Variants in CAND2 observed in about 807,000 individuals in gnomAD.
CAND2 encodes cullin-associated NEDD8-dissociated protein 2.
CAND2 carries 62 observed loss-of-function variants against 98.9 expected under a neutral mutation model. The observed-to-expected ratio is 0.63, with a 90% CI of 0.51 to 0.77. The LOEUF (loss-of-function observed/expected upper bound fraction) is 0.77. Among genes scored for constraint, CAND2 ranks in the 30% least tolerant of loss-of-function variants. The probability of loss-of-function intolerance (pLI) is 0.00; values close to 1 mark genes in which losing one functional copy is unlikely to be tolerated. For missense variants in CAND2, 1,501 were observed against 1,655.2 expected, an observed-to-expected ratio of 0.91 and a Z score of 1.62; for synonymous variants, 770 against 731.9, an observed-to-expected ratio of 1.05 and a Z score of -0.84.
intron 11 of CAND2, among the ~76,000 whole-genome samples, chr3:12,820,930 C>T (rs1559556309): frequency 6.6e-6 from 1 of 152,142 alleles, no homozygotes; most frequent in African/African-American, 2.4e-5. Context: ...TTCTCATCCT[C>T]AGCTATAAAA....
In CAND2 at chr3:12,809,713, CGAG is replaced by C. The variant is rs1291067528; in HGVS notation, c.492-340_492-338del. 3.9e-5 allele frequency among the ~76,000 whole-genome samples: 6 copies of C among 151,984 alleles called. No homozygotes were observed. In the South Asian group the frequency reaches 1.2e-3, roughly 32 times the overall value. ...AGACTTTATACTGCTCTGGTCTCAG[CGAG>C]GAGGATGGACAGAAGGGGATGGTAT... On this transcript the variant is annotated intron_variant, in intron 4 of 14. Transcript: ENST00000456430.
intron 10 of CAND2, among the ~76,000 whole-genome samples, chr3:12,819,371 G>T (rs2061936012): frequency 6.6e-6 from 1 of 152,332 alleles, no homozygotes; most frequent in Admixed American, 6.5e-5. Flanking sequence ...GCTGGGGTTG[G>T]GCAGGGAGCA....
chr3:12,817,323 C>T lies in CAND2; in HGVS notation c.2391C>T (p.His797=), dbSNP rs3732677. ...EQAVDGGPGL[H]KQVFHSLARC... is the part of the protein sequence containing the mutation. ...CTGTGGATGGTGGGCCTGGCCTGCA[C>T]AAGCAGGTGTTCCACTCATTGGCCC... Residue 797 remains histidine, a synonymous_variant, in exon 10 of 15, where the codon CAC becomes CAT. Transcript: ENST00000456430. The T allele has an allele frequency of 0.054, 87,382 of 1,613,878 alleles. 3,110 individuals carry two copies. The highest frequency in any genetic ancestry group is 0.16 in the African/African-American group (11,932 of 75,038).
At chr3:12,831,317 C>A in intron 13 of CAND2, 148 bp from the exon 14 acceptor site, 1 of 678,256 alleles carries the variant, frequency 1.5e-6, no homozygotes. Flanking sequence ...GAAACAGACC[C>A]AGAGAGGGAG....
intron 11 of CAND2, among the ~76,000 whole-genome samples, chr3:12,820,483 C>T (rs1048048798): frequency 1.3e-5 from 2 of 152,234 alleles, no homozygotes; most frequent in Non-Finnish European, 2.9e-5. Context: ...GTCCTGGAAG[C>T]CCATGGGCAA....
chr3:12,810,713 T>G (rs935094032), intron 5 of CAND2, among the ~76,000 whole-genome samples: 1 of 152,254 alleles, frequency 6.6e-6, no homozygotes, highest in Non-Finnish European at 1.5e-5. Context: ...TTAGACTATG[T>G]TCTCTTCTCC....
chr3:12,815,396 C>T lies in CAND2; in HGVS notation c.1262C>T (p.Thr421Ile). 6.2e-7 allele frequency: 1 copy of T among 1,613,528 alleles called. No individual in the cohort carries two copies. The highest frequency in any genetic ancestry group is 8.5e-7 in the Non-Finnish European group (1 of 1,179,886). Reference sequence around the variant, plus strand: ...TGGCTGGAGGCCATGGAGGAACCCACCCAGACCGGCAGCAACCTCCATATG... The same window carrying T: ...TGGCTGGAGGCCATGGAGGAACCCATCCAGACCGGCAGCAACCTCCATATG... The part of the protein sequence containing the change: ...KGWLEAMEEP[T>I]QTGSNLHMLR... Residue 421 changes from threonine (T) to isoleucine (I), a missense_variant, in exon 8 of 15, where the codon ACC (threonine) becomes ATC (isoleucine). Physicochemically the swap from Thr to Ile is moderately conservative, Grantham distance 89. Around this residue, in one of 3 missense-constraint regions of CAND2, gnomAD observed 1,427 missense variants for 1,545.3 expected, o/e 0.92. Coordinates refer to ENST00000456430, the MANE Select transcript of CAND2 (RefSeq NM_001162499.2). This position sits in a 1 kb window ranked among gnomAD's most constrained non-coding sequence, Gnocchi z 5.7.
At chr3:12,821,361 T>C (rs115439755) in intron 11 of CAND2, among the ~76,000 whole-genome samples, 6,553 of 152,076 alleles carry the variant, frequency 0.043, 448 homozygotes, top group African/African-American at 0.15. Context: ...GATCGTACCA[T>C]TGCACTCTAA....
In CAND2 at chr3:12,817,018, C is replaced by G. The variant is rs779092166; in HGVS notation, c.2086C>G (p.Leu696Val). 5 of 1,612,918 alleles carry G rather than the reference C, an allele frequency of 3.1e-6. No homozygotes were observed. The African/African-American group carries it at 6.7e-5, about 22-fold the overall frequency. Residue 696 changes from leucine to valine, a missense_variant, in exon 10 of 15, where the codon CTG becomes GTG. Physicochemically the swap from Leu to Val is conservative, Grantham distance 32 (BLOSUM62 1). This residue lies in a region of CAND2 where 1,427 missense variants were observed against 1,545.3 expected (regional missense o/e 0.92). Coordinates refer to ENST00000456430, the MANE Select transcript of CAND2 (RefSeq NM_001162499.2). Reference protein sequence around the residue: ...SLPPSAVQAVLAELPALVNES... With the variant: ...SLPPSAVQAVVAELPALVNES... ...CCCACCGTCTGCCGTGCAGGCCGTG[C>G]TGGCTGAGCTGCCTGCCCTGGTCAA... is the stretch of plus-strand genomic sequence containing the variant.
Position 12,834,056 on chromosome 3 carries a change from C to T in CAND2, c.*74C>T, listed in dbSNP as rs2062078149. 4.1e-6 allele frequency: 5 copies of T among 1,216,152 alleles called. No homozygotes were observed. Among genetic ancestry groups the T allele is most frequent in the Middle Eastern group, 1.9e-4 (1 of 5,170 alleles). The allele number at this position is 1,216,152 out of a possible 1,614,324, so 75.3% of individuals were successfully genotyped here. A position where few individuals can be genotyped will look rare whatever the true frequency, so the allele number is the denominator to read the frequency against. On this transcript the variant is annotated 3_prime_UTR_variant, in exon 15 of 15. Coordinates refer to ENST00000456430, the MANE Select transcript of CAND2 (RefSeq NM_001162499.2). The stretch of plus-strand genomic sequence containing the variant: ...CAAGTCCGAGGCCTCCCCATCCCAC[C>T]ATCGCAGGTCTCTACTTTTGCCCTT...
intron 3 of CAND2, 23 bp from the exon 4 acceptor site, chr3:12,808,187 T>G (rs757945075): frequency 6.5e-7 from 1 of 1,550,110 alleles, no homozygotes; most frequent in East Asian, 2.4e-5. Flanking sequence ...GGCCTCACTG[T>G]GCCCACCTTG....
rs141573209 is a variant in CAND2, at chr3:12,811,113, A to C, written c.757+789A>C. 7.5e-5 allele frequency among the ~76,000 whole-genome samples: 11 copies of C among 147,472 alleles called. No individual in the cohort carries two copies. In the East Asian group the frequency reaches 2.2e-3, roughly 30 times the overall value. On this transcript the variant is annotated intron_variant, in intron 5 of 14. Transcript: ENST00000456430. ...TCACTGCAAGGGGCCTTGCAGGCACACGGCGGGGGGTGGGGGGGGGAACCC... is the reference window on the plus strand; with the variant it reads ...TCACTGCAAGGGGCCTTGCAGGCACCCGGCGGGGGGTGGGGGGGGGAACCC...
At position 12,815,323 on chromosome 3, in the gene CAND2, T is replaced by G. The variant is rs756537260; in HGVS notation, c.1189T>G (p.Phe397Val). 1 of 1,613,984 alleles carries G rather than the reference T, an allele frequency of 6.2e-7. No homozygotes were observed. Among genetic ancestry groups the G allele is most frequent in the South Asian group, 1.1e-5 (1 of 91,090 alleles). Residue 397 changes from phenylalanine to valine, a missense_variant, in exon 8 of 15, where the codon TTC (phenylalanine) becomes GTC (valine). This residue lies in a region of CAND2 where 1,427 missense variants were observed against 1,545.3 expected (regional missense o/e 0.92). Transcript: ENST00000456430. This position sits in a 1 kb window ranked among gnomAD's most constrained non-coding sequence, Gnocchi z 5.7. ...CGAGGAGAACGTCAAGGCTGACGTC[T>G]TCACTGCTTACATCGTGCTGCTGCG... ...EREENVKADV[F>V]TAYIVLLRQT... is the part of the protein sequence containing the mutation.
chr3:12,798,335 C>CT (rs1242765337), intron 1 of CAND2, among the ~76,000 whole-genome samples: 1 of 152,108 alleles, frequency 6.6e-6, no homozygotes, highest in Non-Finnish European at 1.5e-5. Flanking sequence ...TAGGTACCTC[C>CT]TTTCAGCTCC....
intron 1 of CAND2, among the ~76,000 whole-genome samples, chr3:12,799,096 A>T (rs755127938): frequency 6.6e-6 from 1 of 152,200 alleles, no homozygotes; most frequent in Non-Finnish European, 1.5e-5. Flanking sequence ...TTGAAAACAC[A>T]GTAGTATTAT....
Position 12,817,734 on chromosome 3 carries a change from C to G in CAND2, c.2802C>G (p.Ala934=). ...AGCCTGACAGCCTGAAGCCCTACGCCGAGGACATCTGGGCCTTGCTGTTCC... is the reference window on the plus strand; with the variant it reads ...AGCCTGACAGCCTGAAGCCCTACGCGGAGGACATCTGGGCCTTGCTGTTCC... The part of the protein sequence containing the change: ...AAQPDSLKPY[A]EDIWALLFQR... Residue 934 remains alanine, a synonymous_variant, in exon 10 of 15, where the codon GCC becomes GCG. Coordinates refer to ENST00000456430, the MANE Select transcript of CAND2 (RefSeq NM_001162499.2). 6.3e-7 allele frequency: 1 copy of G among 1,586,140 alleles called. No homozygotes were observed. The highest frequency in any genetic ancestry group is 8.6e-7 in the Non-Finnish European group (1 of 1,166,232).
Position 12,815,243 on chromosome 3 carries a change from T to C in CAND2, c.1109T>C (p.Leu370Pro). 6.2e-7 allele frequency: 1 copy of C among 1,613,878 alleles called. No homozygotes were observed. The highest frequency in any genetic ancestry group is 8.5e-7 in the Non-Finnish European group (1 of 1,180,040). The change falls in exon 8 of 15, where the codon CTG becomes CCG. Residue 370 changes from leucine (L) to proline (P), a missense_variant. By Grantham distance (98) the Leu-to-Pro change is moderately conservative. Around this residue, in one of 3 missense-constraint regions of CAND2, gnomAD observed 1,427 missense variants for 1,545.3 expected, o/e 0.92. Coordinates refer to ENST00000456430, the MANE Select transcript of CAND2 (RefSeq NM_001162499.2). The surrounding 1 kb of genome is among the most constrained non-coding windows in gnomAD (Gnocchi z 5.7). ...AALISSRPDLLPDFHCTLAPV... is the reference protein window; with the variant it reads ...AALISSRPDLPPDFHCTLAPV... The stretch of plus-strand genomic sequence containing the variant: ...TTGATCAGCTCGCGGCCTGACCTGC[T>C]GCCCGATTTCCACTGCACCCTGGCA...
rs751195821 is a variant in CAND2 at position 12,815,532 on chromosome 3, A to G, written c.1299+99A>G. 71 of 1,150,576 alleles carry G rather than the reference A, an allele frequency of 6.2e-5. No homozygotes were observed. The highest frequency in any genetic ancestry group is 8.4e-5 in the Non-Finnish European group (70 of 836,604). The allele number at this position is 1,150,576 out of a possible 1,614,324, so 71.3% of individuals were successfully genotyped here. On this transcript the variant is annotated intron_variant, in intron 8 of 14. Coordinates refer to ENST00000456430, the MANE Select transcript of CAND2 (RefSeq NM_001162499.2). The surrounding 1 kb of genome is among the most constrained non-coding windows in gnomAD (Gnocchi z 5.7). ...TGGAAACTCAGCTGGGAGAACATCC[A>G]GCCATGGAAGGGAAGGGAAGGGGTC...
chr3:12,816,909 A>G lies in CAND2; in HGVS notation c.1977A>G (p.Ser659=). ...ILAEALHILA[S]FLRKNQRALR... ...CCGAGGCACTGCACATTCTGGCCTCATTCCTGCGGAAGAACCAGCGGGCTT... is the reference window on the plus strand; with the variant it reads ...CCGAGGCACTGCACATTCTGGCCTCGTTCCTGCGGAAGAACCAGCGGGCTT... Residue 659 remains serine (S), a synonymous_variant, in exon 10 of 15, where the codon TCA becomes TCG. Coordinates refer to ENST00000456430, the MANE Select transcript of CAND2 (RefSeq NM_001162499.2). 3.7e-6 allele frequency: 6 copies of G among 1,613,812 alleles called. No homozygotes were observed. The highest frequency in any genetic ancestry group is 5.1e-6 in the Non-Finnish European group (6 of 1,180,014).
Sources: gnomAD v4.1 joint callset for allele counts (sites outside exome capture counted in the v4.1 genomes callset) on GRCh38, gnomAD v4.1.1 for gene constraint, gnomAD v4.1.1 regional missense constraint, Gnocchi (gnomAD v3.1) non-coding constraint, MANE v1.5 for transcripts, NCBI Gene and HGNC (gene_info 2026-07-23, HGNC 2026-07-21) for gene names.